Variants in HAL observed in about 807,000 individuals in gnomAD.
The protein encoded by HAL is histidine ammonia-lyase.
Under a neutral mutation model 81.1 loss-of-function variants are expected in HAL, and 85 were observed. That is an observed-to-expected ratio of 1.05 (90% CI 0.88 to 1.25). The LOEUF is 1.25. Among genes scored for constraint, HAL ranks in the 50% most tolerant of loss-of-function variants. The pLI, the probability that HAL is intolerant of heterozygous loss-of-function variation, is 0.00. For missense variants in HAL, 798 were observed against 836.6 expected (o/e 0.95, Z 0.57); for synonymous variants, 301 against 309.2 (o/e 0.97, Z 0.28).
Position 95,979,271 on chromosome 12 carries a change from A to T in HAL, c.1520-1193T>A, listed in dbSNP as rs575847388. Among the ~76,000 whole-genome samples the T allele has an allele frequency of 5.9e-5, 9 of 152,348 alleles. No homozygotes were observed. The South Asian group carries it at 1.9e-3, about 32-fold the overall frequency. On this transcript the variant is annotated intron_variant, in intron 17 of 20. Transcript: ENST00000261208. ...CCTGTTAAAGGGGTATTTTATTAAT[A>T]AGCAAGTAAGCAAATAGAAGATACC...
At chr12:95,993,700 A>G (rs1343838215) in intron 7 of HAL, 72 bp downstream of exon 7, 1 of 963,928 alleles carries the variant, frequency 1.0e-6, no homozygotes, top group Non-Finnish European at 1.7e-6. Context: ...AATGTGAATT[A>G]TTTCCCTTGT....
chr12:95,978,215 G>C (rs2080747500), intron 17 of HAL, 137 bp from the exon 18 acceptor site: 1 of 732,950 alleles, frequency 1.4e-6, no homozygotes, highest in Admixed American at 2.1e-5. Flanking sequence ...GCACCTGATG[G>C]TAGAAAGCTG....
rs763835833 is a variant in HAL at position 95,994,841 on chromosome 12, G to A, written c.309-16C>T. 1 of 1,613,828 alleles carries A rather than the reference G, an allele frequency of 6.2e-7. No individual in the cohort carries two copies. The highest frequency in any genetic ancestry group is 1.3e-5 in the African/African-American group (1 of 74,908). On this transcript the variant is annotated splice_polypyrimidine_tract_variant and intron_variant, in intron 3 of 20. Transcript: ENST00000261208. ...CTTGCTGTATCTGTATCCAGGTAAAGGAACATATAGGGTGGTGTGGAAAAA... is the reference window on the plus strand; with the variant it reads ...CTTGCTGTATCTGTATCCAGGTAAAAGAACATATAGGGTGGTGTGGAAAAA...
chr12:95,977,912 C>A, intron 18 of HAL, 32 bp downstream of exon 18: 1 of 1,612,786 alleles, frequency 6.2e-7, no homozygotes, highest in African/African-American at 1.3e-5. Flanking sequence ...GTCTATCAGG[C>A]AGGCCCGCCA....
At chr12:95,975,347 CTT>C (rs35532808) in intron 20 of HAL, among the ~76,000 whole-genome samples, 1 of 141,988 alleles carries the variant, frequency 7.0e-6, no homozygotes, top group Non-Finnish European at 1.5e-5. Context: ...CCTCTTTTTT[CTT>C]TTTTTTTTTT....
At chr12:95,982,504 TG>T (rs761173271) in intron 15 of HAL, among the ~76,000 whole-genome samples, 62 of 152,348 alleles carry the variant, frequency 4.1e-4, no homozygotes, top group Middle Eastern at 3.4e-3. Flanking sequence ...GTGAAAAGAC[TG>T]GTACGTGAGA....
chr12:95,987,339 T>C, intron 11 of HAL, 125 bp from the exon 12 acceptor site: 1 of 817,294 alleles, frequency 1.2e-6, no homozygotes, highest in Non-Finnish European at 2.1e-6. Context: ...AAAATTATGT[T>C]TATGTTTTCT....
At chr12:95,986,037 T>C (rs751064257) in intron 13 of HAL, 28 bp downstream of exon 13, 2 of 1,564,216 alleles carry the variant, frequency 1.3e-6, no homozygotes, top group Non-Finnish European at 1.8e-6. Context: ...CGTAACCAAA[T>C]AGGTCACTCC....
rs2080686027 is a variant in HAL, at chr12:95,974,074, A to G, written c.*158T>C. On this transcript the variant is annotated 3_prime_UTR_variant, in exon 21 of 21. Transcript: ENST00000261208. Reference sequence around the variant, plus strand: ...GAACACAGTGCTGAATTTAGCAACTATAATACTGCCATCAGCCTAACCAAC... The same window carrying G: ...GAACACAGTGCTGAATTTAGCAACTGTAATACTGCCATCAGCCTAACCAAC... 1 of 750,952 alleles carries G rather than the reference A, an allele frequency of 1.3e-6. No individual in the cohort carries two copies. 46.5% of individuals were successfully genotyped at this position (750,952 alleles called of 1,614,324 possible).
At chr12:95,989,649 T>C (rs1054635444) in intron 10 of HAL, 24 of 153,668 alleles carry the variant, frequency 1.6e-4, no homozygotes, top group African/African-American at 5.5e-4. Flanking sequence ...CACCAGAACA[T>C]GCTTGAATTT....
intron 10 of HAL, chr12:95,989,957 CTTTT>C (rs771097088): frequency 5.2e-5 from 12 of 230,480 alleles, no homozygotes; most frequent in Non-Finnish European, 1.0e-4. Context: ...CAAAAACAGG[CTTTT>C]TTGATTAGCC....
intron 15 of HAL, chr12:95,983,632 C>T: frequency 2.1e-6 from 1 of 476,230 alleles, no homozygotes; most frequent in East Asian, 3.8e-5. Flanking sequence ...AACATGTCAG[C>T]CAATGCTGGA....
chr12:95,977,457 A>C (rs1314443725), intron 18 of HAL, among the ~76,000 whole-genome samples: 2 of 151,886 alleles, frequency 1.3e-5, no homozygotes, highest in Admixed American at 1.3e-4. Flanking sequence ...AGCCAAGGCA[A>C]CACAGCAAGA....
chr12:95,989,972 A>G (rs886280892), intron 10 of HAL: 71 of 243,830 alleles, frequency 2.9e-4, no homozygotes, highest in African/African-American at 1.4e-3. Flanking sequence ...TTGATTAGCC[A>G]CTAGGGTAAG....
chr12:95,985,703 T>C (rs1949875766), intron 14 of HAL, among the ~76,000 whole-genome samples: 1 of 148,408 alleles, frequency 6.7e-6, no homozygotes, highest in Non-Finnish European at 1.5e-5. Flanking sequence ...TAGTTCACCA[T>C]ATAGAATAGA....
At chr12:95,978,205 G>C (rs2080747371) in intron 17 of HAL, 127 bp from the exon 18 acceptor site, 2 of 769,684 alleles carry the variant, frequency 2.6e-6, no homozygotes, top group African/African-American at 3.4e-5. Flanking sequence ...CATTATCCAA[G>C]CACCTGATGG....
chr12:95,992,898 T>A, intron 8 of HAL, 93 bp from the exon 9 acceptor site: 1 of 1,041,604 alleles, frequency 9.6e-7, no homozygotes, highest in Non-Finnish European at 1.5e-6. Flanking sequence ...TTCCCATATG[T>A]AGCCCAGCCT....
At chr12:95,986,875 T>C (rs540327955) in intron 12 of HAL, among the ~76,000 whole-genome samples, 192 bp downstream of exon 12, 108 of 152,102 alleles carry the variant, frequency 7.1e-4, no homozygotes, top group African/African-American at 2.6e-3. Flanking sequence ...TATCTGTAAA[T>C]TGCAGTTCTT....
intron 4 of HAL, 118 bp from the exon 5 acceptor site, chr12:95,994,282 T>C: frequency 1.3e-6 from 1 of 794,984 alleles, no homozygotes; most frequent in Non-Finnish European, 2.3e-6. Context: ...GCGTGAAACA[T>C]GAATATGCTA....
Sources: gnomAD v4.1 joint callset for allele counts (sites outside exome capture counted in the v4.1 genomes callset) on GRCh38, gnomAD v4.1.1 for gene constraint, MANE v1.5 for transcripts, NCBI Gene and HGNC (gene_info 2026-07-23, HGNC 2026-07-21) for gene names.